The following BNC2 variants were observed in gnomAD, a reference collection of about 807,000 sequenced individuals.
The protein encoded by BNC2 is zinc finger protein basonuclin-2.
BNC2 carries 20 observed loss-of-function variants against 76.3 expected under a neutral mutation model. The observed-to-expected ratio is 0.26, with a 90% confidence interval of 0.18 to 0.38. The LOEUF is 0.38. Among genes scored for constraint, BNC2 ranks in the 10% least tolerant of loss-of-function variants. BNC2 has a pLI of 1.00. For missense variants in BNC2, 1,382 were observed against 1,399.8 expected (o/e 0.99, Z 0.20); for synonymous variants, 582 against 514.8 (o/e 1.13, Z -1.77).
chr9:16,555,206 G>C (rs543816755), intron 4 of BNC2, among the ~76,000 whole-genome samples: 1 of 151,406 alleles, frequency 6.6e-6, no homozygotes, highest in Non-Finnish European at 1.5e-5. Flanking sequence ...TGTATTTTTG[G>C]TAGAGACGGG....
At chr9:16,815,955 G>C (rs1275942169) in intron 1 of BNC2, among the ~76,000 whole-genome samples, 2 of 151,898 alleles carry the variant, frequency 1.3e-5, no homozygotes, top group Admixed American at 6.6e-5. Flanking sequence ...CTAAAATATT[G>C]GTCTTTTGCT....
chr9:16,441,426 A>C (rs1821126050), intron 5 of BNC2, among the ~76,000 whole-genome samples: 1 of 152,250 alleles, frequency 6.6e-6, no homozygotes, highest in South Asian at 2.1e-4. Context: ...GCTGGATGCT[A>C]AGAATGGCTA....
chr9:16,525,542 A>G (rs1014454855), intron 5 of BNC2, among the ~76,000 whole-genome samples: 1 of 152,242 alleles, frequency 6.6e-6, no homozygotes, highest in Admixed American at 6.5e-5. Flanking sequence ...AAAGCAATGT[A>G]CTACCATTTA....
intron 3 of BNC2, among the ~76,000 whole-genome samples, chr9:16,661,004 T>G (rs1822095365): frequency 6.6e-6 from 1 of 152,196 alleles, no homozygotes. Flanking sequence ...GAAGGATGAC[T>G]GTAGATGATC....
chr9:16,805,733 A>G (rs2135793359), intron 1 of BNC2, among the ~76,000 whole-genome samples: 1 of 152,066 alleles, frequency 6.6e-6, no homozygotes, highest in South Asian at 2.1e-4. Context: ...ACACACACAC[A>G]CACGCAAACA....
At chr9:16,559,196 T>A (rs1397924505) in intron 4 of BNC2, among the ~76,000 whole-genome samples, 1 of 152,212 alleles carries the variant, frequency 6.6e-6, no homozygotes, top group Non-Finnish European at 1.5e-5. Context: ...TAGAGCAAAT[T>A]TGTCCAAACC....
chr9:16,813,469 G>A (rs1657829173), intron 1 of BNC2, among the ~76,000 whole-genome samples: 1 of 151,892 alleles, frequency 6.6e-6, no homozygotes, highest in African/African-American at 2.4e-5. Flanking sequence ...GTTTCACCGT[G>A]TTAGCCAGGA....
At chr9:16,547,148 G>A (rs1286354767) in intron 5 of BNC2, among the ~76,000 whole-genome samples, 2 of 152,196 alleles carry the variant, frequency 1.3e-5, no homozygotes, top group African/African-American at 2.4e-5. Flanking sequence ...AGGAAAAGAG[G>A]TAACTTACAT....
chr9:16,459,182 G>C (rs1331170074), intron 5 of BNC2, among the ~76,000 whole-genome samples: 1 of 152,166 alleles, frequency 6.6e-6, no homozygotes, highest in Admixed American at 6.5e-5. Flanking sequence ...TCAGTGTCAT[G>C]AATCGGCCTG....
intron 6 of BNC2, among the ~76,000 whole-genome samples, chr9:16,423,588 C>T (rs1820749355): frequency 6.6e-6 from 1 of 152,168 alleles, no homozygotes; most frequent in African/African-American, 2.4e-5. Flanking sequence ...ATTGGTTTCC[C>T]TTCCATCAAT....
intron 5 of BNC2, among the ~76,000 whole-genome samples, chr9:16,521,102 A>C (rs964614703): frequency 1.3e-5 from 2 of 152,224 alleles, no homozygotes; most frequent in African/African-American, 4.8e-5. Context: ...AAAAGTGATA[A>C]AGAGACAGAA....
At chr9:16,759,159 T>C (rs1161392243) in intron 1 of BNC2, among the ~76,000 whole-genome samples, 1 of 152,224 alleles carries the variant, frequency 6.6e-6, no homozygotes, top group Non-Finnish European at 1.5e-5. Context: ...CAGCTGGCTA[T>C]AATCTCACAC....
chr9:16,614,164 T>C (rs958809070), intron 3 of BNC2, among the ~76,000 whole-genome samples: 1 of 152,146 alleles, frequency 6.6e-6, no homozygotes, highest in African/African-American at 2.4e-5. Context: ...GTCACAAGCC[T>C]GAAGAAAAAA....
chr9:16,734,678 T>C (rs10810600), intron 2 of BNC2, among the ~76,000 whole-genome samples: 13,712 of 152,258 alleles, frequency 0.09, 810 homozygotes, highest in Admixed American at 0.19. Context: ...TTGTGAGTAC[T>C]ATATGGTCCA....
At chr9:16,847,490 G>A (rs1819017881) in intron 1 of BNC2, among the ~76,000 whole-genome samples, 1 of 123,844 alleles carries the variant, frequency 8.1e-6, no homozygotes, top group African/African-American at 3.1e-5. Context: ...AAATTCATTT[G>A]GTTAAAAAGG....
intron 4 of BNC2, among the ~76,000 whole-genome samples, chr9:16,581,869 T>C (rs1819637717): frequency 1.3e-5 from 2 of 152,136 alleles, no homozygotes; most frequent in Admixed American, 1.3e-4. Context: ...TGCAGGATTG[T>C]GGCTGCATGG....
At chr9:16,744,311 T>C (rs1035193256) in intron 1 of BNC2, among the ~76,000 whole-genome samples, 16 of 152,094 alleles carry the variant, frequency 1.1e-4, no homozygotes, top group Admixed American at 6.6e-4. Flanking sequence ...TATGCTGGTA[T>C]GAAAAAGTGG....
At chr9:16,785,330 A>C (rs1319940741) in intron 1 of BNC2, among the ~76,000 whole-genome samples, 1 of 152,152 alleles carries the variant, frequency 6.6e-6, no homozygotes, top group Non-Finnish European at 1.5e-5. Context: ...CACTGCAAAA[A>C]CTGAGGCCAC....
intron 5 of BNC2, among the ~76,000 whole-genome samples, chr9:16,456,662 C>T (rs1349009739): frequency 6.6e-6 from 1 of 152,114 alleles, no homozygotes; most frequent in East Asian, 1.9e-4. Flanking sequence ...GCAGATATTT[C>T]CTAGCAGCAC....
Sources: gnomAD v4.1 joint callset for allele counts (sites outside exome capture counted in the v4.1 genomes callset) on GRCh38, gnomAD v4.1.1 for gene constraint, MANE v1.5 for transcripts, NCBI Gene and HGNC (gene_info 2026-07-23, HGNC 2026-07-21) for gene names.